The following PCSK5 variants were observed in gnomAD, a reference collection of about 807,000 sequenced individuals.
PCSK5 encodes the protein prohormone convertase 5.
PCSK5 carries 129 observed loss-of-function variants against 233.2 expected under a neutral mutation model. The observed-to-expected ratio is 0.55, with a 90% confidence interval of 0.48 to 0.64. PCSK5 has a LOEUF of 0.64. Among genes scored for constraint, PCSK5 ranks in the 30% least tolerant of loss-of-function variants. The pLI is 0.00. For missense variants in PCSK5, 2,076 were observed against 2,430.1 expected (o/e 0.85, Z 3.06); for synonymous variants, 825 against 879.2 (o/e 0.94, Z 1.09).
rs185914220 is a variant in PCSK5 at position 76,032,604 on chromosome 9, C to T, written c.632+5567C>T. On this transcript the variant is annotated intron_variant, in intron 5 of 37. Coordinates refer to ENST00000674117, the MANE Select transcript of PCSK5 (RefSeq NM_001372043.1). ...TAAATAACTGATGCTAAAGAAATAG[C>T]GTGATTAGAGGAGATCATAAAAACC... is the stretch of plus-strand genomic sequence containing the variant. 1.6e-4 allele frequency among the ~76,000 whole-genome samples: 24 copies of T among 152,204 alleles called. 1 individual carries two copies. Among genetic ancestry groups the T allele is most frequent in the South Asian group, 1.2e-3 (6 of 4,818 alleles).
At chr9:76,142,546 T>C (rs910460370) in intron 10 of PCSK5, among the ~76,000 whole-genome samples, 1 of 152,134 alleles carries the variant, frequency 6.6e-6, no homozygotes, top group Admixed American at 6.6e-5. Flanking sequence ...TTGTATCATA[T>C]AAAGAATTTA....
chr9:76,260,192 G>A (rs914902424), intron 24 of PCSK5, among the ~76,000 whole-genome samples: 2 of 152,128 alleles, frequency 1.3e-5, no homozygotes, highest in African/African-American at 2.4e-5. Context: ...TGTAAATGGA[G>A]GATAATTTCC....
At chr9:76,293,368 C>G (rs1828335872) in intron 25 of PCSK5, among the ~76,000 whole-genome samples, 1 of 152,228 alleles carries the variant, frequency 6.6e-6, no homozygotes, top group Non-Finnish European at 1.5e-5. Flanking sequence ...TTTAATCTAA[C>G]TTTTCCAGAA....
At chr9:75,917,377 T>C (rs1293665458) in intron 1 of PCSK5, among the ~76,000 whole-genome samples, 1 of 152,180 alleles carries the variant, frequency 6.6e-6, no homozygotes, top group African/African-American at 2.4e-5. Context: ...TTTATGTGTT[T>C]TGGGAACAAG....
At chr9:76,194,932 G>A (rs1587744995) in intron 20 of PCSK5, 2 of 190,974 alleles carry the variant, frequency 1.0e-5, no homozygotes, top group Non-Finnish European at 2.3e-5. Flanking sequence ...CTGGGAAAGA[G>A]CTAGGAAGTA....
At chr9:75,951,759 CAAT>C (rs1372057926) in intron 2 of PCSK5, among the ~76,000 whole-genome samples, 8 of 151,516 alleles carry the variant, frequency 5.3e-5, no homozygotes, top group African/African-American at 1.7e-4. Flanking sequence ...AAATAAATAA[CAAT>C]AAAATTAAAA....
At chr9:75,932,277 T>G (rs894300852) in intron 1 of PCSK5, 102 bp from the exon 2 acceptor site, 1 of 706,136 alleles carries the variant, frequency 1.4e-6, no homozygotes, top group Non-Finnish European at 2.5e-6. Flanking sequence ...TGGACCTTTT[T>G]TGTTTTGTGT....
At chr9:76,082,946 T>C (rs866736117) in intron 7 of PCSK5, among the ~76,000 whole-genome samples, 1 of 152,132 alleles carries the variant, frequency 6.6e-6, no homozygotes, top group Non-Finnish European at 1.5e-5. Flanking sequence ...CGGTGGCTCA[T>C]GCGTGTTATA....
intron 10 of PCSK5, among the ~76,000 whole-genome samples, chr9:76,155,006 TTTTG>T (rs1823827854): frequency 6.6e-6 from 1 of 152,192 alleles, no homozygotes; most frequent in African/African-American, 2.4e-5. Flanking sequence ...ATAATTTTCA[TTTTG>T]TTTATTTTCT....
intron 24 of PCSK5, among the ~76,000 whole-genome samples, chr9:76,245,277 ATTTGCAGATTGAAATGGC>A (rs1274156542): frequency 7.2e-5 from 11 of 152,322 alleles, no homozygotes; most frequent in East Asian, 1.9e-4. Context: ...ATGTATCGGT[ATTTGCAGATTGAAATGGC>A]TGTCTCCACT....
intron 30 of PCSK5, among the ~76,000 whole-genome samples, chr9:76,319,298 G>T (rs1449350980): frequency 2.0e-5 from 3 of 151,874 alleles, no homozygotes; most frequent in African/African-American, 7.3e-5. Flanking sequence ...AGGTGCCGAG[G>T]CAAGAGACTG....
chr9:76,264,888 A>G (rs1000057132), intron 24 of PCSK5, among the ~76,000 whole-genome samples: 1 of 152,150 alleles, frequency 6.6e-6, no homozygotes, highest in African/African-American at 2.4e-5. Context: ...TATATACCCA[A>G]ATATATCCAG....
At position 76,188,533 on chromosome 9, in the gene PCSK5, C is replaced by T. The variant is rs752130749; in HGVS notation, c.2283-45C>T. 2.2e-5 allele frequency: 29 copies of T among 1,299,580 alleles called. No individual in the cohort carries two copies. The East Asian group carries it at 3.2e-4, about 15-fold the overall frequency. The allele number at this position is 1,299,580 out of a possible 1,614,324, so 80.5% of individuals were successfully genotyped here. ...GTTTGGGGAGTCATTACGTTTTGGC[C>T]TCATCACAACAGTCTGTTTGAAGCT... On this transcript the variant is annotated intron_variant, in intron 17 of 37. Coordinates refer to ENST00000674117, the MANE Select transcript of PCSK5 (RefSeq NM_001372043.1).
rs1462863240 is a variant in PCSK5, at chr9:76,245,427, A to C, written c.3142+4743A>C. ...ATGCACCAAAAGGATTTTTTAAAAA[A>C]AGAGAACCTCTGGGCACTGAAGTGT... On this transcript the variant is annotated intron_variant, in intron 24 of 37. Transcript: ENST00000674117. 3.9e-5 allele frequency among the ~76,000 whole-genome samples: 6 copies of C among 152,200 alleles called. 1 individual carries two copies.
At chr9:76,236,832 T>C (rs1238389123) in intron 22 of PCSK5, among the ~76,000 whole-genome samples, 1 of 152,216 alleles carries the variant, frequency 6.6e-6, no homozygotes, top group African/African-American at 2.4e-5. Flanking sequence ...AAAATGGGAT[T>C]GAAGAACACT....
chr9:76,181,463 C>T lies in PCSK5; in HGVS notation c.2069C>T (p.Ala690Val). The T allele has an allele frequency of 6.2e-7, 1 of 1,613,998 alleles. No individual in the cohort carries two copies. Among genetic ancestry groups the T allele is most frequent in the Non-Finnish European group, 8.5e-7 (1 of 1,179,902 alleles). ...GACAAGAAGCGCTGCAGGAAGTGTG[C>T]CCCCAACTGTGAGTCCTGCTTTGGG... ...HADKKRCRKC[A>V]PNCESCFGSH... The change falls in exon 16 of 38, where the codon GCC becomes GTC. Residue 690 changes from alanine to valine, a missense_variant. Coordinates refer to ENST00000674117, the MANE Select transcript of PCSK5 (RefSeq NM_001372043.1).
At chr9:76,350,704 C>T (rs1830098148) in intron 35 of PCSK5, 124 bp from the exon 36 acceptor site, 2 of 659,570 alleles carry the variant, frequency 3.0e-6, no homozygotes, top group Non-Finnish European at 5.3e-6. Context: ...TTTTCGTATC[C>T]TCAATCAATT....
At chr9:75,891,419 G>C in intron 1 of PCSK5, 46 bp downstream of exon 1, 1 of 1,444,932 alleles carries the variant, frequency 6.9e-7, no homozygotes, top group Non-Finnish European at 9.4e-7. Context: ...GAAGCCACTG[G>C]GGGCTTCTTG....
At chr9:76,221,593 T>C (rs1825728629) in intron 20 of PCSK5, among the ~76,000 whole-genome samples, 1 of 152,338 alleles carries the variant, frequency 6.6e-6, no homozygotes. Flanking sequence ...GCTTGTATGA[T>C]TGCTACATCA....
Sources: gnomAD v4.1 joint callset for allele counts (sites outside exome capture counted in the v4.1 genomes callset) on GRCh38, gnomAD v4.1.1 for gene constraint, MANE v1.5 for transcripts, NCBI Gene and HGNC (gene_info 2026-07-23, HGNC 2026-07-21) for gene names.